The following DIXDC1 variants were observed in gnomAD, a reference collection of about 807,000 sequenced individuals.
The protein encoded by DIXDC1 is dixin.
Under a neutral mutation model 103.1 loss-of-function variants are expected in DIXDC1, and 64 were observed. That is an observed-to-expected ratio of 0.62 (90% CI 0.51 to 0.76). DIXDC1 has a LOEUF of 0.76. Among genes scored for constraint, DIXDC1 ranks in the 30% least tolerant of loss-of-function variants. The pLI, the probability that DIXDC1 is intolerant of heterozygous loss-of-function variation, is 0.00. For missense variants in DIXDC1, 759 were observed against 834.2 expected (o/e 0.91, Z 1.11); for synonymous variants, 266 against 298.5 (o/e 0.89, Z 1.12).
chr11:111,937,127 C>CGGGGGGGGGGGGGGGGGG (rs200146124), upstream of DIXDC1: 4 of 502,572 alleles, frequency 8.0e-6, no homozygotes, highest in Admixed American at 2.9e-4. Context: ...TGCTGCGGCC[C>CGGGGGGGGGGGGGGGGGG]GGGCGGGGGG....
At position 111,989,159 on chromosome 11, in the gene DIXDC1, C is replaced by T. The variant is rs1860605829; in HGVS notation, c.1113+104C>T. ...AATTTTCTGTGGACCTTTAATAGCTCTGTGCTATTGGTAAAGAAAGGGCTT... is the reference window on the plus strand; with the variant it reads ...AATTTTCTGTGGACCTTTAATAGCTTTGTGCTATTGGTAAAGAAAGGGCTT... On this transcript the variant is annotated intron_variant, in intron 10 of 19. Transcript: ENST00000440460. The T allele has an allele frequency of 6.8e-6, 6 of 881,578 alleles. No individual in the cohort carries two copies. The African/African-American group carries it at 6.9e-5, about 10-fold the overall frequency. 54.6% of individuals were successfully genotyped at this position (881,578 alleles called of 1,614,324 possible). A position where few individuals can be genotyped will look rare whatever the true frequency, so the allele number is the denominator to read the frequency against.
chr11:111,982,971 TA>T (rs1860367041), intron 7 of DIXDC1, among the ~76,000 whole-genome samples: 1 of 152,198 alleles, frequency 6.6e-6, no homozygotes, highest in African/African-American at 2.4e-5. Flanking sequence ...TGCCAAGGCA[TA>T]ATGGTCAGGT....
At chr11:112,013,321 T>TGGGGGGG (rs1403269609) in intron 17 of DIXDC1, among the ~76,000 whole-genome samples, 17 of 35,702 alleles carry the variant, frequency 4.8e-4, no homozygotes, top group African/African-American at 7.8e-4. Context: ...GGTCGGGGGG[T>TGGGGGGG]GGGGGTGGGG....
At chr11:112,012,604 T>C (rs1285588392) in intron 17 of DIXDC1, among the ~76,000 whole-genome samples, 1 of 152,230 alleles carries the variant, frequency 6.6e-6, no homozygotes, top group Non-Finnish European at 1.5e-5. Context: ...ATCACCTGTT[T>C]TGTGGTACTT....
intron 19 of DIXDC1, among the ~76,000 whole-genome samples, chr11:112,018,646 A>C (rs587752364): frequency 5.3e-4 from 80 of 152,266 alleles, no homozygotes; most frequent in African/African-American, 1.9e-3. Flanking sequence ...CCACTTTCTC[A>C]TTTTTAAAAT....
chr11:111,937,097 A>T, upstream of DIXDC1: 1 of 399,564 alleles, frequency 2.5e-6, no homozygotes, highest in Non-Finnish European at 3.3e-6. Context: ...GTGTGTGTGT[A>T]GCGCACGCAC....
intron 5 of DIXDC1, among the ~76,000 whole-genome samples, chr11:111,978,902 A>G (rs587747015): frequency 5.7e-4 from 87 of 152,334 alleles, no homozygotes; most frequent in South Asian, 1.9e-3. Flanking sequence ...CTCCTTGTGA[A>G]TGACATAGTA....
At chr11:112,010,721 A>C (rs769697178) in intron 17 of DIXDC1, among the ~76,000 whole-genome samples, 14 of 152,366 alleles carry the variant, frequency 9.2e-5, no homozygotes, top group Non-Finnish European at 1.9e-4. Flanking sequence ...CTGTTTAATA[A>C]ATGGTGCTGG....
chr11:112,007,692 A>G (rs1253310339), intron 17 of DIXDC1, among the ~76,000 whole-genome samples: 11 of 152,238 alleles, frequency 7.2e-5, no homozygotes, highest in Non-Finnish European at 1.3e-4. Context: ...GCAAAATTTC[A>G]TATCCAGCCA....
chr11:111,941,387 A>G (rs1377311000), intron 1 of DIXDC1, among the ~76,000 whole-genome samples: 1 of 152,124 alleles, frequency 6.6e-6, no homozygotes, highest in East Asian at 1.9e-4. Flanking sequence ...ATGATGGTTG[A>G]CAGGAAATCA....
Position 111,956,089 on chromosome 11 carries a change from TTG to T in DIXDC1, c.61-8459_61-8458del, listed in dbSNP as rs1232701826. Among the ~76,000 whole-genome samples the T allele has an allele frequency of 2.0e-5, 3 of 151,858 alleles. No homozygotes were observed. In the East Asian group the frequency reaches 5.8e-4, roughly 29 times the overall value. ...TCACATGCTACAACATGGATGAACC[TTG>T]AGGACATTATGCTAACTGAAATAAG... is the stretch of plus-strand genomic sequence containing the variant. On this transcript the variant is annotated intron_variant, in intron 1 of 19. Transcript: ENST00000440460.
chr11:111,974,399 C>T (rs1860031967), intron 4 of DIXDC1, 145 bp downstream of exon 4: 1 of 725,384 alleles, frequency 1.4e-6, no homozygotes. Context: ...GGGGAGGGCA[C>T]TCTCAAAAGA....
intron 1 of DIXDC1, among the ~76,000 whole-genome samples, chr11:111,950,090 G>A (rs114817666): frequency 0.01 from 1,526 of 152,108 alleles, 32 homozygotes; most frequent in African/African-American, 0.035. Context: ...ACACAATCTA[G>A]CAAGGTGAAA....
At chr11:111,953,671 G>A (rs587690431) in intron 1 of DIXDC1, among the ~76,000 whole-genome samples, 1 of 152,056 alleles carries the variant, frequency 6.6e-6, no homozygotes, top group South Asian at 2.1e-4. Context: ...CAGAATTTGG[G>A]GCTAACCAAA....
rs781845209 is a variant in DIXDC1 at position 111,974,049 on chromosome 11, A to C, written c.343A>C (p.Ile115Leu). 3.4e-5 allele frequency: 55 copies of C among 1,613,862 alleles called. No homozygotes were observed. Among genetic ancestry groups the C allele is most frequent in the Non-Finnish European group, 4.6e-5 (54 of 1,179,908 alleles). The change falls in exon 4 of 20, where the codon ATC becomes CTC. Residue 115 changes from isoleucine to leucine, a missense_variant. By Grantham distance (5) the Ile-to-Leu change is conservative. Coordinates refer to ENST00000440460, the MANE Select transcript of DIXDC1 (RefSeq NM_001037954.4). Reference sequence around the variant, plus strand: ...TATTGTGGATGGAAACCTGAAGTCTATCATGAGGCTGGTCCTTGCCTTGGC... The same window carrying C: ...TATTGTGGATGGAAACCTGAAGTCTCTCATGAGGCTGGTCCTTGCCTTGGC... ...KDIVDGNLKS[I>L]MRLVLALAAH...
chr11:112,016,598 G>A, intron 17 of DIXDC1, 93 bp from the exon 18 acceptor site: 1 of 1,065,454 alleles, frequency 9.4e-7, no homozygotes, highest in Non-Finnish European at 1.3e-6. Flanking sequence ...TGTGACCTCA[G>A]GCAGCTTTGT....
chr11:112,014,279 T>C (rs1182112310), intron 17 of DIXDC1, among the ~76,000 whole-genome samples: 1 of 152,192 alleles, frequency 6.6e-6, no homozygotes, highest in Non-Finnish European at 1.5e-5. Context: ...TTAGTAACTT[T>C]CCATAGCTTA....
In DIXDC1 at chr11:111,977,737, G is replaced by C; in HGVS notation, c.656+2754G>C. 6.4e-7 allele frequency: 1 copy of C among 1,557,846 alleles called. No individual in the cohort carries two copies. Among genetic ancestry groups the C allele is most frequent in the Non-Finnish European group, 8.7e-7 (1 of 1,150,910 alleles). ...TCAGCCTCCCACTTCACCCGGGGAC[G>C]CAGGCTTGCTGAAGCCCGAGACAGG... is the stretch of plus-strand genomic sequence containing the variant. On this transcript the variant is annotated intron_variant, in intron 5 of 19. Transcript: ENST00000440460. This position sits in a 1 kb window ranked among gnomAD's most constrained non-coding sequence, Gnocchi z 6.1.
chr11:111,934,403 G>A (rs782095710), upstream of DIXDC1, among the ~76,000 whole-genome samples: 2 of 152,230 alleles, frequency 1.3e-5, no homozygotes, highest in African/African-American at 2.4e-5. Context: ...AGGCAGCATG[G>A]CAGGGATATG....
Sources: gnomAD v4.1 joint callset for allele counts (sites outside exome capture counted in the v4.1 genomes callset) on GRCh38, gnomAD v4.1.1 for gene constraint, Gnocchi (gnomAD v3.1) non-coding constraint, MANE v1.5 for transcripts, NCBI Gene and HGNC (gene_info 2026-07-23, HGNC 2026-07-21) for gene names.